Variants in NAALADL2 observed in about 807,000 individuals in gnomAD.
NAALADL2 encodes the protein inactive N-acetylated-alpha-linked acidic dipeptidase-like protein 2.
In NAALADL2, 76 loss-of-function variants were observed where a neutral mutation model predicts 87.2. The observed-to-expected ratio is 0.87, with a 90% CI of 0.72 to 1.05. NAALADL2 has a LOEUF of 1.05. Among genes scored for constraint, NAALADL2 ranks in the 50% least tolerant of loss-of-function variants. The pLI is 0.00. For missense variants in NAALADL2, 1,089 were observed against 945.8 expected, an observed-to-expected ratio of 1.15 and a Z score of -1.99; for synonymous variants, 354 against 331.0, an observed-to-expected ratio of 1.07 and a Z score of -0.75.
chr3:175,169,278 C>G (rs1398821276), intron 2 of NAALADL2, among the ~76,000 whole-genome samples: 1 of 151,418 alleles, frequency 6.6e-6, no homozygotes, highest in Non-Finnish European at 1.5e-5. Context: ...ATATTTTTCT[C>G]TGTTTTGGAT....
rs532143981 is a variant in NAALADL2 at position 175,367,806 on chromosome 3, G to A, written c.1090+43481G>A. On this transcript the variant is annotated intron_variant, in intron 5 of 13. Coordinates refer to ENST00000454872, the MANE Select transcript of NAALADL2 (RefSeq NM_207015.3). ...TACAATCATGTTGTCTGCAAACAGG[G>A]ACAGTTTGACTTCCTCTTTTCCTAA... Among the ~76,000 whole-genome samples, 5 of 152,278 alleles carry A rather than the reference G, an allele frequency of 3.3e-5. No homozygotes were observed. The East Asian group carries it at 9.7e-4, about 29-fold the overall frequency.
At position 175,057,166 on chromosome 3, in the gene NAALADL2, C is replaced by T. The variant is rs544419897; in HGVS notation, c.44-39624C>T. Reference sequence around the variant, plus strand: ...AATAACTGAATTAAGAGGGAGCTCTCATAGTCTAGATTCTATCTATAAGGG... The same window carrying T: ...AATAACTGAATTAAGAGGGAGCTCTTATAGTCTAGATTCTATCTATAAGGG... On this transcript the variant is annotated intron_variant, in intron 1 of 13. Transcript: ENST00000454872. Among the ~76,000 whole-genome samples the T allele has an allele frequency of 3.9e-5, 6 of 152,256 alleles. No individual in the cohort carries two copies. In the South Asian group the frequency reaches 1.0e-3, roughly 26 times the overall value.
At chr3:175,639,404 T>C (rs965153569) in intron 11 of NAALADL2, among the ~76,000 whole-genome samples, 45 of 142,916 alleles carry the variant, frequency 3.1e-4, no homozygotes, top group Non-Finnish European at 1.2e-4. Flanking sequence ...CACTGCAAGC[T>C]CCACCTCCCG....
rs1714977472 is a variant in NAALADL2, at chr3:174,774,575, T to C, written c.-9+36829T>C. On this transcript the variant is annotated intron_variant, in intron 3 of 3. Coordinates refer to the NAALADL2 transcript ENST00000434257. ...GTGTCACGATAGTTGGTAGTTGCAG[T>C]GACAGTTTGGCCTCATCTTACTAAG... Among the ~76,000 whole-genome samples, 3 of 152,186 alleles carry C rather than the reference T, an allele frequency of 2.0e-5. No individual in the cohort carries two copies. In the South Asian group the frequency reaches 6.2e-4, roughly 32 times the overall value.
chr3:174,987,586 A>AAAC (rs1746076948), intron 1 of NAALADL2, among the ~76,000 whole-genome samples: 1 of 141,866 alleles, frequency 7.0e-6, no homozygotes, highest in African/African-American at 2.8e-5. Flanking sequence ...AAAAAAAAAA[A>AAAC]AAAAAAAAAA....
At chr3:175,746,111 C>A (rs565320440) in intron 12 of NAALADL2, among the ~76,000 whole-genome samples, 1 of 151,866 alleles carries the variant, frequency 6.6e-6, no homozygotes, top group Admixed American at 6.6e-5. Flanking sequence ...TTGCTGGCAG[C>A]GTTTCCTCCT....
intron 4 of NAALADL2, among the ~76,000 whole-genome samples, chr3:175,316,823 G>A (rs1480064692): frequency 6.6e-6 from 1 of 152,258 alleles, no homozygotes; most frequent in Non-Finnish European, 1.5e-5. Flanking sequence ...TTCTCATTTG[G>A]TTTGGTATAA....
At chr3:175,306,359 A>G (rs1178662792) in intron 4 of NAALADL2, among the ~76,000 whole-genome samples, 1 of 152,150 alleles carries the variant, frequency 6.6e-6, no homozygotes, top group Non-Finnish European at 1.5e-5. Context: ...ACCATTAGAA[A>G]AATGTACTTA....
chr3:175,189,680 A>C (rs966294923), intron 2 of NAALADL2, among the ~76,000 whole-genome samples: 1 of 152,206 alleles, frequency 6.6e-6, no homozygotes, highest in African/African-American at 2.4e-5. Context: ...TCCTGTCAAG[A>C]TAAGAATAAC....
chr3:175,267,224 A>T (rs1243658673), intron 4 of NAALADL2, among the ~76,000 whole-genome samples: 3 of 152,046 alleles, frequency 2.0e-5, no homozygotes, highest in Non-Finnish European at 2.9e-5. Flanking sequence ...TTGTGGTTTT[A>T]AGAAAATCTT....
chr3:175,329,674 C>T (rs759307379), intron 5 of NAALADL2, among the ~76,000 whole-genome samples: 1 of 152,060 alleles, frequency 6.6e-6, no homozygotes, highest in Non-Finnish European at 1.5e-5. Context: ...TTGTAAGTGT[C>T]TGGTGGTTCT....
chr3:175,423,869 T>G (rs1013026253), intron 5 of NAALADL2, among the ~76,000 whole-genome samples: 2 of 152,210 alleles, frequency 1.3e-5, no homozygotes, highest in African/African-American at 2.4e-5. Flanking sequence ...TGAACTAGTT[T>G]ACAGTCCCAC....
At chr3:175,759,722 A>T (rs1031071323) in intron 13 of NAALADL2, among the ~76,000 whole-genome samples, 2 of 152,164 alleles carry the variant, frequency 1.3e-5, no homozygotes, top group Middle Eastern at 3.2e-3. Flanking sequence ...ATGCCCATTA[A>T]ATTAAGGTGC....
At chr3:175,604,470 AT>A in intron 10 of NAALADL2, among the ~76,000 whole-genome samples, 1 of 151,312 alleles carries the variant, frequency 6.6e-6, no homozygotes, top group African/African-American at 2.4e-5. Flanking sequence ...CGCCTGGCTA[AT>A]TTTTTTGTCT....
At chr3:175,012,255 C>A (rs998527668) in intron 1 of NAALADL2, among the ~76,000 whole-genome samples, 5 of 152,188 alleles carry the variant, frequency 3.3e-5, no homozygotes. Flanking sequence ...ACCTCCACCT[C>A]CCGGGTTCAA....
At chr3:175,057,958 A>G (rs1343655214) in intron 1 of NAALADL2, among the ~76,000 whole-genome samples, 1 of 152,198 alleles carries the variant, frequency 6.6e-6, no homozygotes, top group African/African-American at 2.4e-5. Context: ...AGTTCATTCC[A>G]AACCCATACT....
chr3:174,554,677 G>A (rs1712540118), intron 2 of NAALADL2, among the ~76,000 whole-genome samples: 1 of 152,038 alleles, frequency 6.6e-6, no homozygotes, highest in African/African-American at 2.4e-5. Flanking sequence ...AAGTATTGTT[G>A]TACTTTTCTC....
chr3:174,971,950 G>A (rs1391030682), intron 1 of NAALADL2, among the ~76,000 whole-genome samples: 13 of 152,082 alleles, frequency 8.5e-5, no homozygotes, highest in Admixed American at 7.2e-4. Context: ...CACCTGCCTC[G>A]GCCTCCCAAA....
chr3:175,404,792 G>A (rs1192451778), intron 5 of NAALADL2, among the ~76,000 whole-genome samples: 2 of 152,048 alleles, frequency 1.3e-5, no homozygotes, highest in Non-Finnish European at 2.9e-5. Context: ...CATATATCAA[G>A]GACCATCAGC....
Sources: allele counts gnomAD v4.1 joint callset (sites outside exome capture counted in the v4.1 genomes callset), GRCh38; gene constraint gnomAD v4.1.1; transcripts MANE v1.5; gene names NCBI Gene and HGNC (gene_info 2026-07-23, HGNC 2026-07-21).